GSN: variants seen among roughly 807,000 people sequenced by gnomAD.
GSN encodes actin-depolymerizing factor.
GSN carries 56 observed loss-of-function variants against 85.7 expected under a neutral mutation model. The ratio of observed to expected loss-of-function variants is 0.65; its 90% confidence interval spans 0.53 to 0.82. GSN has a LOEUF of 0.82. Ranked by LOEUF, GSN falls within the 40% of genes least tolerant of loss-of-function variation. GSN has a pLI of 0.00. For missense variants in GSN, 857 were observed against 979.8 expected (o/e 0.87, Z 1.67); for synonymous variants, 373 against 399.1 (o/e 0.93, Z 0.78).
intron 13 of GSN, 95 bp from the exon 14 acceptor site, chr9:121,327,213 T>C (rs1193227977): frequency 2.0e-6 from 2 of 1,013,856 alleles, no homozygotes; most frequent in Non-Finnish European, 1.6e-6. Flanking sequence ...AGTCCCCACC[T>C]GAGAGCTAGT....
At chr9:121,209,385 TCTACC>T (rs1489169638) in exon 2 of GSN, 1 of 145,028 alleles carries the variant, frequency 6.9e-6, no homozygotes, top group Non-Finnish European at 1.5e-5. Context: ...GAGATTCCCT[TCTACC>T]ATCCATGGTG....
At chr9:121,317,560 T>C (rs1436740382) in intron 8 of GSN, 1 of 344,424 alleles carries the variant, frequency 2.9e-6, no homozygotes, top group African/African-American at 2.1e-5. Flanking sequence ...CAGTGGATTT[T>C]AAAATGTTCG....
At chr9:121,279,619 GGGTGGAT>G (rs1464661585) in intron 1 of GSN, among the ~76,000 whole-genome samples, 1 of 152,084 alleles carries the variant, frequency 6.6e-6, no homozygotes, top group Non-Finnish European at 1.5e-5. Context: ...CTGGTCCACC[GGGTGGAT>G]GGTGGATGGT....
upstream of GSN, among the ~76,000 whole-genome samples, chr9:121,205,284 G>A (rs1371733370): frequency 6.6e-6 from 1 of 152,208 alleles, no homozygotes; most frequent in Non-Finnish European, 1.5e-5. Context: ...GTAATGTCAT[G>A]GAAAGAGACG....
At chr9:121,226,052 C>T (rs2054267594) in intron 4 of GSN, among the ~76,000 whole-genome samples, 1 of 152,216 alleles carries the variant, frequency 6.6e-6, no homozygotes, top group African/African-American at 2.4e-5. Flanking sequence ...ATTCCCCCCA[C>T]CTCGGTCTCC....
intron 6 of GSN, among the ~76,000 whole-genome samples, chr9:121,250,195 T>G (rs1205804570): frequency 6.7e-6 from 1 of 149,286 alleles, no homozygotes; most frequent in Admixed American, 6.7e-5. Flanking sequence ...ACTCTCTAGA[T>G]CCTTCTCTTT....
upstream of GSN, among the ~76,000 whole-genome samples, chr9:121,263,944 G>A (rs1293037703): frequency 6.6e-6 from 1 of 151,050 alleles, no homozygotes; most frequent in Non-Finnish European, 1.5e-5. Context: ...CATGAGAACG[G>A]CATGGGGGAA....
chr9:121,219,938 A>G (rs2054137472), intron 4 of GSN, among the ~76,000 whole-genome samples: 1 of 151,558 alleles, frequency 6.6e-6, no homozygotes, highest in African/African-American at 2.4e-5. Flanking sequence ...CTGGAGTGCA[A>G]TGGCGCGATC....
rs1450063915 is a variant in GSN, at chr9:121,261,640, A to C, written c.-340-3514A>C. On this transcript the variant is annotated intron_variant, in intron 6 of 24. Transcript: ENST00000373823. This position sits in a 1 kb window ranked among gnomAD's most constrained non-coding sequence, Gnocchi z 4.1. ...TGAATATGGTTTCCTCCCGTTTTTT[A>C]TAAGACCCATCCATCTTGCCATATG... 2.0e-5 allele frequency among the ~76,000 whole-genome samples: 3 copies of C among 152,142 alleles called. No homozygotes were observed. The highest frequency in any genetic ancestry group is 2.4e-5 in the African/African-American group (1 of 41,430).
At chr9:121,321,178 C>A in intron 10 of GSN, 90 bp from the exon 11 acceptor site, 2 of 1,422,992 alleles carry the variant, frequency 1.4e-6, no homozygotes, top group Non-Finnish European at 2.0e-6. Flanking sequence ...CATGGCCTAA[C>A]CACAACCTAC....
chr9:121,226,579 T>G lies in GSN; in HGVS notation c.-527-4586T>G, dbSNP rs1412386923. ...ACCTGGGGTGAAATAATAAGAAATA[T>G]AAGTATTGGTCTCTGCCCGAGTCCC... On this transcript the variant is annotated intron_variant, in intron 4 of 24. Coordinates refer to the GSN transcript ENST00000373823. Among the ~76,000 whole-genome samples, 4 of 152,096 alleles carry G rather than the reference T, an allele frequency of 2.6e-5. No individual in the cohort carries two copies. In the East Asian group the frequency reaches 7.7e-4, roughly 29 times the overall value.
intron 4 of GSN, among the ~76,000 whole-genome samples, chr9:121,305,659 G>A (rs895103285): frequency 1.3e-5 from 2 of 152,074 alleles, no homozygotes; most frequent in Non-Finnish European, 2.9e-5. Flanking sequence ...CCGGCCCCCC[G>A]ATGATTTTCC....
chr9:121,330,974 G>A (rs574467265), intron 16 of GSN, among the ~76,000 whole-genome samples: 69 of 152,302 alleles, frequency 4.5e-4, no homozygotes, highest in African/African-American at 1.5e-3. Context: ...CAATGTTAGC[G>A]AATGAAGCAG....
At chr9:121,297,368 T>A (rs1336427006) in intron 2 of GSN, among the ~76,000 whole-genome samples, 1 of 152,222 alleles carries the variant, frequency 6.6e-6, no homozygotes, top group Non-Finnish European at 1.5e-5. Flanking sequence ...ATTGGTTATA[T>A]AATCTTCACC....
At chr9:121,255,351 C>T (rs970464054) in intron 6 of GSN, among the ~76,000 whole-genome samples, 2 of 152,172 alleles carry the variant, frequency 1.3e-5, no homozygotes, top group Non-Finnish European at 2.9e-5. Flanking sequence ...GTGATCCTTC[C>T]ACCTAGTCCC....
At chr9:121,289,867 G>A in intron 2 of GSN, among the ~76,000 whole-genome samples, 1 of 152,174 alleles carries the variant, frequency 6.6e-6, no homozygotes. Flanking sequence ...CAGGAGTCCT[G>A]ACTTCTTTCT....
intron 6 of GSN, chr9:121,313,423 G>A (rs558157116): frequency 2.7e-5 from 6 of 219,922 alleles, no homozygotes; most frequent in Non-Finnish European, 5.5e-5. Context: ...ACCAACCATG[G>A]CTTGGGAGGG....
chr9:121,207,557 T>TC (rs2053902370), upstream of GSN, among the ~76,000 whole-genome samples: 1 of 152,182 alleles, frequency 6.6e-6, no homozygotes. Flanking sequence ...GTGCCTATGC[T>TC]CACAAAATGT....
chr9:121,281,536 A>T lies in GSN; in HGVS notation c.-36A>T, dbSNP rs755684629. On this transcript the variant is annotated 5_prime_UTR_variant, in exon 2 of 18. Coordinates refer to ENST00000432226, the MANE Select transcript of GSN (RefSeq NM_198252.3). ...TCCCAGCGCCTTCCCACGGAGCAGC[A>T]CTCTTCACCCTGCACAGCCTTGTTA... 19 of 439,088 alleles carry T rather than the reference A, an allele frequency of 4.3e-5. No homozygotes were observed. The highest frequency in any genetic ancestry group is 3.4e-4 in the Middle Eastern group (1 of 2,932). 27.2% of individuals were successfully genotyped at this position (439,088 alleles called of 1,614,324 possible).
Sources: gnomAD v4.1 joint callset for allele counts (sites outside exome capture counted in the v4.1 genomes callset) on GRCh38, gnomAD v4.1.1 for gene constraint, Gnocchi (gnomAD v3.1) non-coding constraint, MANE v1.5 for transcripts, NCBI Gene and HGNC (gene_info 2026-07-23, HGNC 2026-07-21) for gene names.